ZFPM2: variants seen among roughly 807,000 people sequenced by gnomAD.
ZFPM2 encodes the protein zinc finger protein ZFPM2.
A neutral mutation model predicts 98.6 loss-of-function variants in ZFPM2; 20 were observed. The ratio of observed to expected loss-of-function variants is 0.20; its 90% CI spans 0.14 to 0.29. ZFPM2 has a LOEUF of 0.29. Ranked by LOEUF, ZFPM2 falls within the 10% of genes least tolerant of loss-of-function variation. The pLI is 1.00. For synonymous variants in ZFPM2, 518 were observed against 502.7 expected, an observed-to-expected ratio of 1.03 and a Z score of -0.41; for missense variants, 1,310 against 1,388.6, an observed-to-expected ratio of 0.94 and a Z score of 0.90.
chr8:105,659,789 T>C (rs575207367), intron 5 of ZFPM2, among the ~76,000 whole-genome samples: 3 of 152,202 alleles, frequency 2.0e-5, no homozygotes, highest in Non-Finnish European at 4.4e-5. Flanking sequence ...ATTTCTGTAA[T>C]AGTTTTACAT....
At chr8:105,457,823 T>C (rs1208010071) in intron 3 of ZFPM2, among the ~76,000 whole-genome samples, 1 of 152,112 alleles carries the variant, frequency 6.6e-6, no homozygotes, top group Admixed American at 6.5e-5. Context: ...TCCCTGTCAC[T>C]CTCATACCTG....
At chr8:105,736,930 T>C (rs1812086606) in intron 5 of ZFPM2, among the ~76,000 whole-genome samples, 1 of 152,060 alleles carries the variant, frequency 6.6e-6, no homozygotes, top group Non-Finnish European at 1.5e-5. Context: ...TGATAGCCAC[T>C]GATATTTCAT....
intron 4 of ZFPM2, among the ~76,000 whole-genome samples, chr8:105,621,662 T>TGACAATCTA (rs1486019207): frequency 6.6e-6 from 1 of 152,174 alleles, no homozygotes; most frequent in Non-Finnish European, 1.5e-5. Flanking sequence ...TTATTAATAT[T>TGACAATCTA]GACAATCTAT....
intron 3 of ZFPM2, among the ~76,000 whole-genome samples, chr8:105,488,634 C>T (rs373102681): frequency 4.0e-5 from 6 of 151,844 alleles, no homozygotes; most frequent in African/African-American, 9.7e-5. Flanking sequence ...CATGGTGGTG[C>T]GCGCCTGTAG....
In ZFPM2 at chr8:105,803,451, A is replaced by C; in HGVS notation, c.3369A>C (p.Leu1123=). ...QAPTSGKYCR[L]CDIQFNNLSN... ...CAACCAGTGGGAAATATTGCCGGCT[A>C]TGTGATATCCAGTTCAACAACCTTT... Residue 1123 remains leucine (L), a synonymous_variant, in exon 8 of 8, where the codon CTA becomes CTC. Coordinates refer to ENST00000407775, the MANE Select transcript of ZFPM2 (RefSeq NM_012082.4). The C allele has an allele frequency of 6.2e-7, 1 of 1,613,768 alleles. No individual in the cohort carries two copies. The highest frequency in any genetic ancestry group is 8.5e-7 in the Non-Finnish European group (1 of 1,179,804).
intron 5 of ZFPM2, among the ~76,000 whole-genome samples, chr8:105,660,116 T>C (rs1166404630): frequency 6.6e-6 from 1 of 152,132 alleles, no homozygotes; most frequent in Admixed American, 6.6e-5. Context: ...CTTGAATAAA[T>C]AAACTGGAAA....
chr8:105,686,829 C>A (rs1164953205), intron 5 of ZFPM2, among the ~76,000 whole-genome samples: 1 of 152,106 alleles, frequency 6.6e-6, no homozygotes, highest in Non-Finnish European at 1.5e-5. Flanking sequence ...ACATCACATG[C>A]CTTTTAGTTT....
chr8:105,728,849 T>C (rs1811869117), intron 5 of ZFPM2, among the ~76,000 whole-genome samples: 1 of 151,764 alleles, frequency 6.6e-6, no homozygotes, highest in South Asian at 2.1e-4. Context: ...CCTTCTCTCC[T>C]CCAACCCTTT....
chr8:105,803,477 C>G lies in ZFPM2; in HGVS notation c.3395C>G (p.Ser1132Ter). The change falls in exon 8 of 8, where the codon TCA (serine) becomes TGA (stop). Residue 1132 changes from serine (S) to a stop codon, truncating the protein, a stop_gained. Transcript: ENST00000407775. LOFTEE classifies it high-confidence loss of function. ...RLCDIQFNNL[S>*]NFITHKKFYC... The stretch of plus-strand genomic sequence containing the variant: ...TGTGATATCCAGTTCAACAACCTTT[C>G]AAACTTTATAACTCACAAGAAGTTT... 6.2e-7 allele frequency: 1 copy of G among 1,613,308 alleles called. No individual in the cohort carries two copies. Among genetic ancestry groups the G allele is most frequent in the Non-Finnish European group, 8.5e-7 (1 of 1,179,568 alleles).
rs1357843213 is a variant in ZFPM2, at chr8:105,801,359, C to A, written c.1277C>A (p.Ala426Asp). The part of the protein sequence containing the change: ...TRSELPQSQK[A>D]MQTKDASSDT... ...AGCGAACTTCCCCAGAGCCAAAAGGCCATGCAGACTAAAGATGCGAGCTCT... is the reference window on the plus strand; with the variant it reads ...AGCGAACTTCCCCAGAGCCAAAAGGACATGCAGACTAAAGATGCGAGCTCT... The change falls in exon 8 of 8, where the codon GCC (alanine) becomes GAC (aspartate). Residue 426 changes from alanine to aspartate, a missense_variant. Coordinates refer to ENST00000407775, the MANE Select transcript of ZFPM2 (RefSeq NM_012082.4). 14 of 1,613,870 alleles carry A rather than the reference C, an allele frequency of 8.7e-6. No individual in the cohort carries two copies. Among genetic ancestry groups the A allele is most frequent in the Non-Finnish European group, 1.1e-5 (13 of 1,179,856 alleles).
chr8:105,769,373 C>T (rs1812932203), intron 5 of ZFPM2, among the ~76,000 whole-genome samples: 1 of 152,016 alleles, frequency 6.6e-6, no homozygotes, highest in African/African-American at 2.4e-5. Flanking sequence ...TTGCAGGTCC[C>T]TTCGAGGCTT....
chr8:105,370,912 G>A (rs932529116), intron 1 of ZFPM2, among the ~76,000 whole-genome samples: 4 of 152,166 alleles, frequency 2.6e-5, no homozygotes, highest in African/African-American at 9.7e-5. Flanking sequence ...TGTGCTGTGT[G>A]TACACACAGC....
intron 5 of ZFPM2, among the ~76,000 whole-genome samples, chr8:105,720,874 T>C (rs976810804): frequency 1.3e-5 from 2 of 151,932 alleles, no homozygotes; most frequent in Admixed American, 6.6e-5. Context: ...AGATGCATCC[T>C]AGAACAGTCC....
At chr8:105,778,955 G>A (rs923866012) in intron 5 of ZFPM2, among the ~76,000 whole-genome samples, 4 of 136,332 alleles carry the variant, frequency 2.9e-5, no homozygotes, top group African/African-American at 1.1e-4. Context: ...TTAAATATCT[G>A]AATTTTGGAA....
intron 5 of ZFPM2, among the ~76,000 whole-genome samples, chr8:105,749,559 T>G (rs929501712): frequency 3.3e-5 from 5 of 152,206 alleles, no homozygotes; most frequent in African/African-American, 1.2e-4. Context: ...CTGGTCATGT[T>G]CAGCATTTTC....
chr8:105,748,257 A>T (rs1467585198), intron 5 of ZFPM2, among the ~76,000 whole-genome samples: 1 of 152,062 alleles, frequency 6.6e-6, no homozygotes, highest in Admixed American at 6.6e-5. Flanking sequence ...ATTATTTATC[A>T]TCATTGTAGA....
chr8:105,600,894 A>T (rs1241270485), intron 4 of ZFPM2, among the ~76,000 whole-genome samples: 1 of 152,224 alleles, frequency 6.6e-6, no homozygotes, highest in East Asian at 1.9e-4. Flanking sequence ...TTTCTGAGAG[A>T]ATAATGCCTT....
chr8:105,652,785 T>A (rs1305751452), intron 5 of ZFPM2, among the ~76,000 whole-genome samples: 1 of 152,196 alleles, frequency 6.6e-6, no homozygotes, highest in African/African-American at 2.4e-5. Context: ...TTTTCTCAAA[T>A]CAGTAATATA....
chr8:105,780,201 A>T (rs905013937), intron 5 of ZFPM2: 1 of 152,106 alleles, frequency 6.6e-6, no homozygotes. Flanking sequence ...GAGACAGACA[A>T]AGAGAGAATC....
Sources: allele counts gnomAD v4.1 joint callset (sites outside exome capture counted in the v4.1 genomes callset), GRCh38; gene constraint gnomAD v4.1.1; transcripts MANE v1.5; gene names NCBI Gene and HGNC (gene_info 2026-07-23, HGNC 2026-07-21).